Variants in RPP25L observed in about 807,000 individuals in gnomAD.
The protein encoded by RPP25L is ribonuclease P/MRP subunit p25 like.
RPP25L carries 5 observed loss-of-function variants against 10.1 expected under a neutral mutation model. The observed-to-expected ratio is 0.50, with a 90% CI of 0.26 to 1.04. The LOEUF (loss-of-function observed/expected upper bound fraction) is 1.04. RPP25L is among the 50% of genes least tolerant of loss of function. The pLI, the probability that RPP25L is intolerant of heterozygous loss-of-function variation, is 0.14. For missense variants in RPP25L, 192 were observed against 217.3 expected, an observed-to-expected ratio of 0.88 and a Z score of 0.73; for synonymous variants, 96 against 88.6, an observed-to-expected ratio of 1.08 and a Z score of -0.47.
chr9:34,610,632 T>C lies in RPP25L; in HGVS notation c.*173A>G. 1.4e-6 allele frequency: 1 copy of C among 699,710 alleles called. No individual in the cohort carries two copies. Among genetic ancestry groups the C allele is most frequent in the Non-Finnish European group, 2.3e-6 (1 of 432,672 alleles). 43.3% of individuals were successfully genotyped at this position (699,710 alleles called of 1,614,324 possible). ...CTTGGCAGAGGCCCCACATCTGTCA[T>C]TCTTCACAGCAGTCCCTTCCCACAT... On this transcript the variant is annotated 3_prime_UTR_variant, in exon 2 of 2. Coordinates refer to ENST00000378959, the MANE Select transcript of RPP25L (RefSeq NM_148178.3).
chr9:34,611,458 C>T lies in RPP25L; in HGVS notation c.-36-126G>A. On this transcript the variant is annotated intron_variant, in intron 1 of 1. Transcript: ENST00000378959. This position sits in a 1 kb window ranked among gnomAD's most constrained non-coding sequence, Gnocchi z 4.4. ...CTTCCCAGAAACAGGATCATGTCCC[C>T]TTGTCCTTAGCATCTCGTGACAAGG... is the stretch of plus-strand genomic sequence containing the variant. 2.7e-6 allele frequency: 2 copies of T among 750,552 alleles called. No homozygotes were observed. Among genetic ancestry groups the T allele is most frequent in the Non-Finnish European group, 4.3e-6 (2 of 469,952 alleles). 46.5% of individuals were successfully genotyped at this position (750,552 alleles called of 1,614,324 possible).
At position 34,611,628 on chromosome 9, in the gene RPP25L, GCC is replaced by G. The variant is rs1820303768; in HGVS notation, c.-36-298_-36-297del. ...ACTGAGCTCTTTGGGAAAGTGCCAG[GCC>G]CCCTCATCCTAAACTCTCCAGGACT... On this transcript the variant is annotated intron_variant, in intron 1 of 1. Coordinates refer to ENST00000378959, the MANE Select transcript of RPP25L (RefSeq NM_148178.3). The surrounding 1 kb of genome is among the most constrained non-coding windows in gnomAD (Gnocchi z 4.4). Among the ~76,000 whole-genome samples the G allele has an allele frequency of 6.6e-6, 1 of 152,146 alleles. No individual in the cohort carries two copies. Among genetic ancestry groups the G allele is most frequent in the Admixed American group, 6.5e-5 (1 of 15,284 alleles).
In RPP25L at chr9:34,611,083, C is replaced by T; in HGVS notation, c.214G>A (p.Glu72Lys). Residue 72 changes from glutamate to lysine, a missense_variant, in exon 2 of 2, where the codon GAG becomes AAG. Transcript: ENST00000378959. This position sits in a 1 kb window ranked among gnomAD's most constrained non-coding sequence, Gnocchi z 4.4. ...CCTGGGACCCGCCGCTTGACAATCT[C>T]AGCGCAGCTGACAGCCTTTCCTGCA... Reference protein sequence around the residue: ...RAAGKAVSCAEIVKRRVPGLH... With the variant: ...RAAGKAVSCAKIVKRRVPGLH... The T allele has an allele frequency of 6.2e-7, 1 of 1,614,116 alleles. No individual in the cohort carries two copies. The highest frequency in any genetic ancestry group is 8.5e-7 in the Non-Finnish European group (1 of 1,180,014).
Position 34,610,976 on chromosome 9 carries a change from G to A in RPP25L, c.321C>T (p.Pro107=), listed in dbSNP as rs752002742. 1.2e-6 allele frequency: 2 copies of A among 1,613,852 alleles called. No individual in the cohort carries two copies. Among genetic ancestry groups the A allele is most frequent in the Non-Finnish European group, 8.5e-7 (1 of 1,180,016 alleles). ...VPASPDTGLD[P]LTVRRHVPAV... is the part of the protein sequence containing the mutation. ...CAGGCACATGGCGGCGCACTGTGAG[G>A]GGGTCTAGCCCTGTGTCAGGTGAGG... The change falls in exon 2 of 2, where the codon CCC becomes CCT. Residue 107 remains proline (P), a synonymous_variant. Transcript: ENST00000378959.
Position 34,610,968 on chromosome 9 carries a change from A to C in RPP25L, c.329T>G (p.Val110Gly), listed in dbSNP as rs778379898. 1 of 1,613,750 alleles carries C rather than the reference A, an allele frequency of 6.2e-7. No individual in the cohort carries two copies. The highest frequency in any genetic ancestry group is 2.2e-5 in the East Asian group (1 of 44,888). The change falls in exon 2 of 2, where the codon GTG (valine) becomes GGG (glycine). Residue 110 changes from valine (V) to glycine (G), a missense_variant. Transcript: ENST00000378959. The part of the protein sequence containing the change: ...SPDTGLDPLT[V>G]RRHVPAVWVL... ...CCACACTGCAGGCACATGGCGGCGC[A>C]CTGTGAGGGGGTCTAGCCCTGTGTC... is the stretch of plus-strand genomic sequence containing the variant.
At position 34,611,793 on chromosome 9, in the gene RPP25L, G is replaced by C. The variant is rs1476830508; in HGVS notation, c.-37+271C>G. The C allele has an allele frequency of 1.8e-5, 3 of 163,544 alleles. No homozygotes were observed. The highest frequency in any genetic ancestry group is 7.2e-5 in the African/African-American group (3 of 41,516). The allele number at this position is 163,544 out of a possible 1,614,324, so 10.1% of individuals were successfully genotyped here. ...AGGCCCTTCGCCCCAGGCCCCCCGGGAAACAGCCAAGAACCCTTATCCAGT... is the reference window on the plus strand; with the variant it reads ...AGGCCCTTCGCCCCAGGCCCCCCGGCAAACAGCCAAGAACCCTTATCCAGT... On this transcript the variant is annotated intron_variant, in intron 1 of 1. Coordinates refer to ENST00000378959, the MANE Select transcript of RPP25L (RefSeq NM_148178.3). The surrounding 1 kb of genome is among the most constrained non-coding windows in gnomAD (Gnocchi z 4.4).
Position 34,611,317 on chromosome 9 carries a change from T to C in RPP25L, c.-21A>G, listed in dbSNP as rs766953049. The C allele has an allele frequency of 5.6e-6, 9 of 1,605,864 alleles. No individual in the cohort carries two copies. The Admixed American group carries it at 1.3e-4, about 24-fold the overall frequency. ...TCCATCCTGCTTGCTGTCTTGTCTG[T>C]GACTCTCGCTGCCCACTGCAGGGAA... is the stretch of plus-strand genomic sequence containing the variant. On this transcript the variant is annotated 5_prime_UTR_variant, in exon 2 of 2. Transcript: ENST00000378959. The surrounding 1 kb of genome is among the most constrained non-coding windows in gnomAD (Gnocchi z 4.4).
Position 34,611,154 on chromosome 9 carries a change from T to A in RPP25L, c.143A>T (p.Glu48Val), listed in dbSNP as rs1286042289. The A allele has an allele frequency of 2.5e-6, 4 of 1,614,018 alleles. No individual in the cohort carries two copies. Among genetic ancestry groups the A allele is most frequent in the South Asian group, 1.1e-5 (1 of 91,070 alleles). Reference protein sequence around the residue: ...NLLGLALGRLEGGSARHVVFS... With the variant: ...NLLGLALGRLVGGSARHVVFS... The stretch of plus-strand genomic sequence containing the variant: ...CACTACATGCCGAGCACTGCCGCCC[T>A]CCAACCGACCCAGAGCCAACCCCAG... Residue 48 changes from glutamate to valine, a missense_variant, in exon 2 of 2, where the codon GAG becomes GTG. By Grantham distance (121) the Glu-to-Val change is moderately radical. Coordinates refer to ENST00000378959, the MANE Select transcript of RPP25L (RefSeq NM_148178.3). The surrounding 1 kb of genome is among the most constrained non-coding windows in gnomAD (Gnocchi z 4.4).
At position 34,610,986 on chromosome 9, in the gene RPP25L, C is replaced by A; in HGVS notation, c.311G>T (p.Gly104Val). The change falls in exon 2 of 2, where the codon GGG (glycine) becomes GTG (valine). Residue 104 changes from glycine (G) to valine (V), a missense_variant. Coordinates refer to ENST00000378959, the MANE Select transcript of RPP25L (RefSeq NM_148178.3). ...DSWVPASPDT[G>V]LDPLTVRRHV... Reference sequence around the variant, plus strand: ...GCGGCGCACTGTGAGGGGGTCTAGCCCTGTGTCAGGTGAGGCTGGGACCCA... The same window carrying A: ...GCGGCGCACTGTGAGGGGGTCTAGCACTGTGTCAGGTGAGGCTGGGACCCA... The A allele has an allele frequency of 6.2e-7, 1 of 1,614,006 alleles. No individual in the cohort carries two copies. The highest frequency in any genetic ancestry group is 8.5e-7 in the Non-Finnish European group (1 of 1,180,016).
In RPP25L at chr9:34,611,080, T is replaced by G; in HGVS notation, c.217A>C (p.Ile73Leu). ...AAGKAVSCAE[I>L]VKRRVPGLHQ... ...AGGCCTGGGACCCGCCGCTTGACAA[T>G]CTCAGCGCAGCTGACAGCCTTTCCT... The change falls in exon 2 of 2, where the codon ATT becomes CTT. Residue 73 changes from isoleucine (I) to leucine (L), a missense_variant. By Grantham distance (5) the Ile-to-Leu change is conservative. Transcript: ENST00000378959. The surrounding 1 kb of genome is among the most constrained non-coding windows in gnomAD (Gnocchi z 4.4). 1 of 1,614,006 alleles carries G rather than the reference T, an allele frequency of 6.2e-7. No individual in the cohort carries two copies. Among genetic ancestry groups the G allele is most frequent in the Non-Finnish European group, 8.5e-7 (1 of 1,179,966 alleles).
rs117925060 is a variant in RPP25L, at chr9:34,611,658, G to A, written c.-36-326C>T. On this transcript the variant is annotated intron_variant, in intron 1 of 1. Transcript: ENST00000378959. This position sits in a 1 kb window ranked among gnomAD's most constrained non-coding sequence, Gnocchi z 4.4. ...CTCATCCTAAACTCTCCAGGACTGG[G>A]GCTTAGCCCCCCTTATCCTGGGCTC... Among the ~76,000 whole-genome samples the A allele has an allele frequency of 0.035, 5,362 of 152,188 alleles. 135 individuals are homozygous for A. Among genetic ancestry groups the A allele is most frequent in the South Asian group, 0.1 (501 of 4,820 alleles).
In RPP25L at chr9:34,610,890, G is replaced by T. The variant is rs771165315; in HGVS notation, c.407C>A (p.Pro136Gln). The change falls in exon 2 of 2, where the codon CCA becomes CAA. Residue 136 changes from proline (P) to glutamine (Q), a missense_variant. Physicochemically the swap from Pro to Gln is moderately conservative, Grantham distance 76. Coordinates refer to ENST00000378959, the MANE Select transcript of RPP25L (RefSeq NM_148178.3). Reference sequence around the variant, plus strand: ...GGAACCCAGGCCAGGGGGTGCTCCTGGGGGTTGGTAACCACACTCATTGGG... The same window carrying T: ...GGAACCCAGGCCAGGGGGTGCTCCTTGGGGTTGGTAACCACACTCATTGGG... ...LDPNECGYQP[P>Q]GAPPGLGSMP... is the part of the protein sequence containing the mutation. The T allele has an allele frequency of 1.3e-6, 2 of 1,598,276 alleles. No homozygotes were observed. The highest frequency in any genetic ancestry group is 1.7e-6 in the Non-Finnish European group (2 of 1,169,154).
Position 34,611,274 on chromosome 9 carries a change from C to T in RPP25L, c.23G>A (p.Gly8Asp), listed in dbSNP as rs377087342. 1 of 1,613,138 alleles carries T rather than the reference C, an allele frequency of 6.2e-7. No individual in the cohort carries two copies. The highest frequency in any genetic ancestry group is 8.5e-7 in the Non-Finnish European group (1 of 1,179,916). ...GGAAGGCGCTGGGAGCTCTACAGAG[C>T]CAGCTTTCCGGTAGTGCTCCATCCT... MEHYRKA[G>D]SVELPAPSPM... The change falls in exon 2 of 2, where the codon GGC becomes GAC. Residue 8 changes from glycine (G) to aspartate (D), a missense_variant. Gly to Asp is a moderately conservative substitution (Grantham distance 94, BLOSUM62 -1). Transcript: ENST00000378959. The surrounding 1 kb of genome is among the most constrained non-coding windows in gnomAD (Gnocchi z 4.4).
chr9:34,612,049 G>C lies in RPP25L; in HGVS notation c.-37+15C>G, dbSNP rs563713955. The C allele has an allele frequency of 3.7e-4, 57 of 152,458 alleles. 1 individual carries two copies. In the East Asian group the frequency reaches 0.01, roughly 28 times the overall value. 9.4% of individuals were successfully genotyped at this position (152,458 alleles called of 1,614,324 possible). A position where few individuals can be genotyped will look rare whatever the true frequency, so the allele number is the denominator to read the frequency against. On this transcript the variant is annotated intron_variant, in intron 1 of 1. Transcript: ENST00000378959. ...CCTACGAGCGCCCCTCTGCCCGCCC[G>C]GTTCCGGCTCTCACCGAAGCCGCCT...
In RPP25L at chr9:34,611,085, G is replaced by A. The variant is rs1317154705; in HGVS notation, c.212C>T (p.Ala71Val). ...TGGGACCCGCCGCTTGACAATCTCA[G>A]CGCAGCTGACAGCCTTTCCTGCAGC... is the stretch of plus-strand genomic sequence containing the variant. Reference protein sequence around the residue: ...GRAAGKAVSCAEIVKRRVPGL... With the variant: ...GRAAGKAVSCVEIVKRRVPGL... The change falls in exon 2 of 2, where the codon GCT becomes GTT. Residue 71 changes from alanine to valine, a missense_variant. Transcript: ENST00000378959. The surrounding 1 kb of genome is among the most constrained non-coding windows in gnomAD (Gnocchi z 4.4). The A allele has an allele frequency of 6.2e-7, 1 of 1,614,122 alleles. No individual in the cohort carries two copies. Among genetic ancestry groups the A allele is most frequent in the African/African-American group, 1.3e-5 (1 of 75,038 alleles).
At position 34,612,047 on chromosome 9, in the gene RPP25L, C is replaced by T. The variant is rs1005066166; in HGVS notation, c.-37+17G>A. 2.0e-5 allele frequency: 3 copies of T among 152,390 alleles called. No individual in the cohort carries two copies. Among genetic ancestry groups the T allele is most frequent in the Admixed American group, 6.5e-5 (1 of 15,284 alleles). The allele number at this position is 152,390 out of a possible 1,614,324, so 9.4% of individuals were successfully genotyped here. On this transcript the variant is annotated intron_variant, in intron 1 of 1. Transcript: ENST00000378959. ...ACCCTACGAGCGCCCCTCTGCCCGC[C>T]CGGTTCCGGCTCTCACCGAAGCCGC...
chr9:34,611,257 C>T lies in RPP25L; in HGVS notation c.40G>A (p.Ala14Thr). ...YRKAGSVELP[A>T]PSPMPQLPPD... The stretch of plus-strand genomic sequence containing the variant: ...GGTAGCTGGGGCATTGGGGAAGGCG[C>T]TGGGAGCTCTACAGAGCCAGCTTTC... Residue 14 changes from alanine (A) to threonine (T), a missense_variant, in exon 2 of 2, where the codon GCG becomes ACG. Ala to Thr is a moderately conservative substitution (Grantham distance 58). Transcript: ENST00000378959. The surrounding 1 kb of genome is among the most constrained non-coding windows in gnomAD (Gnocchi z 4.4). The T allele has an allele frequency of 6.2e-7, 1 of 1,613,692 alleles. No individual in the cohort carries two copies. Among genetic ancestry groups the T allele is most frequent in the Non-Finnish European group, 8.5e-7 (1 of 1,179,992 alleles).
In RPP25L at chr9:34,610,710, C is replaced by A. The variant is rs936420739; in HGVS notation, c.*95G>T. Reference sequence around the variant, plus strand: ...GAGGTCCACTTTTGTGGACTCAAACCTTGATGGGGATGTTGAGCAGTCACA... The same window carrying A: ...GAGGTCCACTTTTGTGGACTCAAACATTGATGGGGATGTTGAGCAGTCACA... On this transcript the variant is annotated 3_prime_UTR_variant, in exon 2 of 2. Transcript: ENST00000378959. The A allele has an allele frequency of 1.4e-6, 2 of 1,395,062 alleles. No individual in the cohort carries two copies. Among genetic ancestry groups the A allele is most frequent in the Non-Finnish European group, 9.6e-7 (1 of 1,040,290 alleles). 86.4% of individuals were successfully genotyped at this position (1,395,062 alleles called of 1,614,324 possible).
rs1245599725 is a variant in RPP25L at position 34,610,776 on chromosome 9, C to A, written c.*29G>T. The A allele has an allele frequency of 6.6e-7, 1 of 1,512,108 alleles. No individual in the cohort carries two copies. Among genetic ancestry groups the A allele is most frequent in the African/African-American group, 1.4e-5 (1 of 71,640 alleles). 93.7% of individuals were successfully genotyped at this position (1,512,108 alleles called of 1,614,324 possible). A position where few individuals can be genotyped will look rare whatever the true frequency, so the allele number is the denominator to read the frequency against. ...GGCACAAGCACCCCAGACATTCAGGCCCGGAGAACAGGCTGGCTCAGCAGG... is the reference window on the plus strand; with the variant it reads ...GGCACAAGCACCCCAGACATTCAGGACCGGAGAACAGGCTGGCTCAGCAGG... On this transcript the variant is annotated 3_prime_UTR_variant, in exon 2 of 2. Transcript: ENST00000378959.
Sources: allele counts gnomAD v4.1 joint callset (sites outside exome capture counted in the v4.1 genomes callset), GRCh38; gene constraint gnomAD v4.1.1; non-coding constraint Gnocchi (gnomAD v3.1); transcripts MANE v1.5; gene names NCBI Gene and HGNC (gene_info 2026-07-23, HGNC 2026-07-21).